Variants in SYNJ2BP observed in about 807,000 individuals in gnomAD.
SYNJ2BP encodes synaptojanin-2-binding protein.
In SYNJ2BP, 10 loss-of-function variants were observed where a neutral mutation model predicts 16.9. The observed-to-expected ratio is 0.59, with a 90% CI of 0.36 to 1.00. The LOEUF is 1.00. Ranked by LOEUF, SYNJ2BP falls within the 50% of genes least tolerant of loss-of-function variation. SYNJ2BP has a pLI of 0.01. For missense variants in SYNJ2BP, 162 were observed against 186.7 expected, an observed-to-expected ratio of 0.87 and a Z score of 0.77; for synonymous variants, 54 against 68.4, an observed-to-expected ratio of 0.79 and a Z score of 1.04.
In SYNJ2BP at chr14:70,399,613, T is replaced by TCAGTGCCCACGCCTCCCCGCTGC. The variant is rs375419552; in HGVS notation, c.65-11008_65-11007insGCAGCGGGGAGGCGTGGGCACTG. ...GCTGCTCCCGCAGCCACTCCTGCTG[T>TCAGTGCCCACGCCTCCCCGCTGC]CACTGCCCACGCCTCCCCGCTGCAG... On this transcript the variant is annotated intron_variant, in intron 1 of 3. Transcript: ENST00000256366. Among the ~76,000 whole-genome samples the TCAGTGCCCACGCCTCCCCGCTGC allele has an allele frequency of 9.8e-3, 1,489 of 152,294 alleles. 28 individuals are homozygous for TCAGTGCCCACGCCTCCCCGCTGC. The highest frequency in any genetic ancestry group is 0.035 in the African/African-American group (1,438 of 41,564).
intron 2 of SYNJ2BP, among the ~76,000 whole-genome samples, chr14:70,388,168 A>G (rs1362244745): frequency 6.6e-6 from 1 of 152,190 alleles, no homozygotes; most frequent in Non-Finnish European, 1.5e-5. Flanking sequence ...ATGAAAGACA[A>G]AATTTGTGGA....
chr14:70,412,382 C>T (rs8013510), intron 1 of SYNJ2BP, among the ~76,000 whole-genome samples: 142,869 of 145,764 alleles, frequency 0.98, 70,075 homozygotes, highest in East Asian at 1. Flanking sequence ...TTAACCTCCC[C>T]AAGGCAATTT....
rs1887482527 is a variant in SYNJ2BP at position 70,369,941 on chromosome 14, T to G, written c.*3050A>C. On this transcript the variant is annotated 3_prime_UTR_variant, in exon 4 of 4. Coordinates refer to ENST00000256366, the MANE Select transcript of SYNJ2BP (RefSeq NM_018373.3). ...TATAGAAGAAATATTAGACTCAATC[T>G]ATGAAGAACATGAATTTTTTTACAA... The G allele has an allele frequency of 6.6e-6, 1 of 152,262 alleles. No individual in the cohort carries two copies. The highest frequency in any genetic ancestry group is 2.1e-4 in the South Asian group (1 of 4,834). 9.4% of individuals were successfully genotyped at this position (152,262 alleles called of 1,614,324 possible).
Position 70,373,132 on chromosome 14 carries a change from C to G in SYNJ2BP, c.298-1G>C, listed in dbSNP as rs1305538812. The stretch of plus-strand genomic sequence containing the variant: ...CTATAGGTCCATTCTGCACCTGTAA[C>G]TGGAAGGGAAAGAAAAATGTTAACT... On this transcript the variant is annotated splice_acceptor_variant, in intron 3 of 3. Coordinates refer to ENST00000256366, the MANE Select transcript of SYNJ2BP (RefSeq NM_018373.3). LOFTEE classifies it high-confidence loss of function. The G allele has an allele frequency of 3.1e-6, 5 of 1,613,222 alleles. No homozygotes were observed. The highest frequency in any genetic ancestry group is 3.4e-6 in the Non-Finnish European group (4 of 1,179,762).
intron 1 of SYNJ2BP, among the ~76,000 whole-genome samples, chr14:70,402,009 G>A (rs1888249510): frequency 6.6e-6 from 1 of 152,036 alleles, no homozygotes; most frequent in South Asian, 2.1e-4. Context: ...TGATACCACA[G>A]GAAGAAATCT....
intron 1 of SYNJ2BP, among the ~76,000 whole-genome samples, chr14:70,407,827 G>C (rs542942030): frequency 3.3e-5 from 5 of 152,084 alleles, no homozygotes; most frequent in Non-Finnish European, 7.4e-5. Context: ...CCGTGACTTT[G>C]GATGTCTTCT....
chr14:70,392,367 A>G (rs74319768), intron 1 of SYNJ2BP, among the ~76,000 whole-genome samples: 426 of 152,330 alleles, frequency 2.8e-3, no homozygotes, highest in African/African-American at 9.8e-3. Flanking sequence ...ATAACTTACC[A>G]GATATGTGGA....
intron 1 of SYNJ2BP, among the ~76,000 whole-genome samples, chr14:70,395,466 T>C (rs1032715746): frequency 4.0e-5 from 6 of 150,938 alleles, no homozygotes; most frequent in East Asian, 3.9e-4. Context: ...TCAAACTCCA[T>C]TGGATACACA....
intron 1 of SYNJ2BP, among the ~76,000 whole-genome samples, chr14:70,400,302 T>G (rs1888207767): frequency 6.6e-6 from 1 of 152,204 alleles, no homozygotes; most frequent in Admixed American, 6.5e-5. Context: ...CCCAATACGA[T>G]AACCCTAATT....
chr14:70,411,442 A>G (rs1888470538), intron 1 of SYNJ2BP, among the ~76,000 whole-genome samples: 1 of 152,224 alleles, frequency 6.6e-6, no homozygotes, highest in African/African-American at 2.4e-5. Flanking sequence ...GAATCCAGAT[A>G]GAACTTTAGA....
At chr14:70,404,995 T>C (rs529851381) in intron 1 of SYNJ2BP, among the ~76,000 whole-genome samples, 3 of 152,102 alleles carry the variant, frequency 2.0e-5, no homozygotes, top group African/African-American at 7.2e-5. Context: ...GGTGTGGTGG[T>C]GTGTGCCTGT....
chr14:70,389,373 CTT>C (rs752623860), intron 1 of SYNJ2BP, among the ~76,000 whole-genome samples: 6 of 94,954 alleles, frequency 6.3e-5, no homozygotes, highest in Non-Finnish European at 1.3e-4. Flanking sequence ...TTGAGAGTTT[CTT>C]TTTTTTTTTT....
intron 2 of SYNJ2BP, 123 bp from the exon 3 acceptor site, chr14:70,375,894 T>C: frequency 8.3e-7 from 1 of 1,207,636 alleles, no homozygotes; most frequent in Non-Finnish European, 1.1e-6. Flanking sequence ...ACTAGGAGTA[T>C]GGGCAAAGTT....
At chr14:70,412,693 A>T (rs1486612789) in intron 1 of SYNJ2BP, among the ~76,000 whole-genome samples, 4 of 151,650 alleles carry the variant, frequency 2.6e-5, no homozygotes. Flanking sequence ...CACTGCCATC[A>T]ACCCATCATC....
rs1887408525 is a variant in SYNJ2BP at position 70,367,238 on chromosome 14, T to A, written c.*5753A>T. 6.6e-6 allele frequency: 1 copy of A among 152,126 alleles called. No homozygotes were observed. The highest frequency in any genetic ancestry group is 2.4e-5 in the African/African-American group (1 of 41,408). The allele number at this position is 152,126 out of a possible 1,614,324, so 9.4% of individuals were successfully genotyped here. A position where few individuals can be genotyped will look rare whatever the true frequency, so the allele number is the denominator to read the frequency against. On this transcript the variant is annotated 3_prime_UTR_variant, in exon 4 of 4. Transcript: ENST00000256366. ...TTATAGTATCATCAAGTACATCAGT[T>A]AAGCAAATCAAGTGCTTTGTGTTCT... is the stretch of plus-strand genomic sequence containing the variant.
chr14:70,391,409 T>C (rs1012259668), intron 1 of SYNJ2BP, among the ~76,000 whole-genome samples: 7 of 152,142 alleles, frequency 4.6e-5, no homozygotes, highest in Admixed American at 6.5e-5. Flanking sequence ...ATTTGTATCA[T>C]AGAAGGTAGG....
At chr14:70,403,551 C>A (rs1424799830) in intron 1 of SYNJ2BP, among the ~76,000 whole-genome samples, 5 of 152,164 alleles carry the variant, frequency 3.3e-5, no homozygotes, top group African/African-American at 9.7e-5. Context: ...TGAGAGTGAC[C>A]TCTGGTGGTC....
intron 1 of SYNJ2BP, among the ~76,000 whole-genome samples, chr14:70,395,669 T>G (rs1040094838): frequency 2.0e-5 from 3 of 152,242 alleles, no homozygotes; most frequent in Non-Finnish European, 4.4e-5. Flanking sequence ...TACCCATTTT[T>G]AAATGTATAA....
intron 1 of SYNJ2BP, among the ~76,000 whole-genome samples, chr14:70,401,800 A>AC (rs1476541254): frequency 6.7e-6 from 1 of 150,348 alleles, no homozygotes; most frequent in Non-Finnish European, 1.5e-5. Flanking sequence ...ACACCACCAC[A>AC]CCCAGCTAAT....
Sources: gnomAD v4.1 joint callset for allele counts (sites outside exome capture counted in the v4.1 genomes callset) on GRCh38, gnomAD v4.1.1 for gene constraint, MANE v1.5 for transcripts, NCBI Gene and HGNC (gene_info 2026-07-23, HGNC 2026-07-21) for gene names.